The following NFYB variants were observed in gnomAD, a reference collection of about 807,000 sequenced individuals.
NFYB encodes CAAT box DNA-binding protein subunit B.
NFYB carries 13 observed loss-of-function variants against 28.0 expected under a neutral mutation model. That is an observed-to-expected ratio of 0.46 (90% CI 0.30 to 0.74). The LOEUF is 0.74. NFYB is among the 30% of genes least tolerant of loss of function. The pLI is 0.07. For missense variants in NFYB, 142 were observed against 247.6 expected, an observed-to-expected ratio of 0.57 and a Z score of 2.86; for synonymous variants, 74 against 75.0, an observed-to-expected ratio of 0.99 and a Z score of 0.07.
intron 3 of NFYB, 55 bp from the exon 4 acceptor site, chr12:104,126,299 T>C (rs994525037): frequency 1.2e-5 from 16 of 1,311,126 alleles, no homozygotes; most frequent in Admixed American, 3.2e-5. Context: ...TATTTCAAGA[T>C]AGAAAAAACT....
chr12:104,119,867 C>A, intron 7 of NFYB, 98 bp from the exon 8 acceptor site: 1 of 743,212 alleles, frequency 1.3e-6, no homozygotes, highest in Non-Finnish European at 2.3e-6. Context: ...AAGACAATAA[C>A]AAGTCTAATT....
At chr12:104,125,849 C>CAAAA (rs374433754) in intron 4 of NFYB, among the ~76,000 whole-genome samples, 377 of 72,108 alleles carry the variant, frequency 5.2e-3, no homozygotes, top group Non-Finnish European at 7.0e-3. Context: ...ACTCTGTCCC[C>CAAAA]AAAAAAAAAA....
chr12:104,137,422 T>C (rs968246442), intron 1 of NFYB: 2 of 152,292 alleles, frequency 1.3e-5, no homozygotes, highest in African/African-American at 4.8e-5. Context: ...GGCTGCATTC[T>C]TTACGCGCAA....
chr12:104,121,313 T>C lies in NFYB; in HGVS notation c.438A>G (p.Lys146=). 6.2e-7 allele frequency: 1 copy of C among 1,611,208 alleles called. No homozygotes were observed. Among genetic ancestry groups the C allele is most frequent in the Non-Finnish European group, 8.5e-7 (1 of 1,179,230 alleles). ...LYLQKFREAM[K]GEKGIGGAVT... The stretch of plus-strand genomic sequence containing the variant: ...CTGCTCCACCAATTCCCTTTTCTCC[T>C]TTCATAGCCTGAGGAAGGAAAAAAA... Residue 146 remains lysine (K), a synonymous_variant, in exon 6 of 8, where the codon AAA becomes AAG. Transcript: ENST00000240055.
chr12:104,134,852 T>A (rs1225528905), intron 2 of NFYB, among the ~76,000 whole-genome samples: 2 of 152,150 alleles, frequency 1.3e-5, no homozygotes, highest in African/African-American at 4.8e-5. Flanking sequence ...ACACCCGAGG[T>A]TACAGATATA....
At chr12:104,123,540 T>C in intron 4 of NFYB, 117 bp from the exon 5 acceptor site, 1 of 733,958 alleles carries the variant, frequency 1.4e-6, no homozygotes, top group South Asian at 1.8e-5. Flanking sequence ...ATTTAATCTC[T>C]TAAATATATG....
chr12:104,127,577 A>G (rs1325131664), intron 3 of NFYB, among the ~76,000 whole-genome samples: 2 of 141,610 alleles, frequency 1.4e-5, no homozygotes, highest in African/African-American at 5.1e-5. Context: ...CAAAAAAAAT[A>G]AAAAATAAAA....
chr12:104,128,444 T>C lies in NFYB; in HGVS notation c.80A>G (p.Tyr27Cys). Reference sequence around the variant, plus strand: ...CTTACCATCATGAGGCTGTATAACATAATGACTTCCTCCAATATAGTCTGC... The same window carrying C: ...CTTACCATCATGAGGCTGTATAACACAATGACTTCCTCCAATATAGTCTGC... The part of the protein sequence containing the change: ...ISADYIGGSH[Y>C]VIQPHDDTED... The change falls in exon 3 of 8, where the codon TAT becomes TGT. Residue 27 changes from tyrosine to cysteine, a missense_variant. Around this residue, in one of 2 missense-constraint regions of NFYB, gnomAD observed 54 missense variants for 58.1 expected, o/e 0.93. Transcript: ENST00000240055. The C allele has an allele frequency of 6.2e-7, 1 of 1,611,348 alleles. No homozygotes were observed. Among genetic ancestry groups the C allele is most frequent in the South Asian group, 1.1e-5 (1 of 90,864 alleles).
chr12:104,121,518 A>T (rs969812155), intron 5 of NFYB, among the ~76,000 whole-genome samples, 197 bp from the exon 6 acceptor site: 1 of 152,238 alleles, frequency 6.6e-6, no homozygotes, highest in African/African-American at 2.4e-5. Flanking sequence ...AATCATTAAC[A>T]AGACAGAGTT....
chr12:104,135,993 C>T (rs2031085141), intron 1 of NFYB, among the ~76,000 whole-genome samples: 1 of 152,114 alleles, frequency 6.6e-6, no homozygotes, highest in East Asian at 1.9e-4. Flanking sequence ...TTTAGACATT[C>T]TATAGCTCAA....
intron 2 of NFYB, chr12:104,131,392 C>T (rs952276252): frequency 5.2e-6 from 1 of 190,646 alleles, no homozygotes; most frequent in African/African-American, 2.4e-5. Flanking sequence ...TCATTTCACG[C>T]CTTCTGTCTT....
rs925822727 is a variant in NFYB at position 104,123,319 on chromosome 12, T to G, written c.336A>C (p.Thr112=). 2 of 1,614,028 alleles carry G rather than the reference T, an allele frequency of 1.2e-6. No homozygotes were observed. The highest frequency in any genetic ancestry group is 1.7e-6 in the Non-Finnish European group (2 of 1,180,006). Residue 112 remains threonine (T), a synonymous_variant, in exon 5 of 8, where the codon ACA becomes ACC. Coordinates refer to ENST00000240055, the MANE Select transcript of NFYB (RefSeq NM_006166.4). ...CAAAGAGAATATCTTCTCCATTGAT[T>G]GTTTTCCGTTTCTCTTGATGGCACC... ...SERCHQEKRK[T]INGEDILFAM... is the part of the protein sequence containing the mutation.
intron 2 of NFYB, among the ~76,000 whole-genome samples, chr12:104,132,470 C>T: frequency 6.6e-6 from 1 of 151,922 alleles, no homozygotes; most frequent in East Asian, 1.9e-4. Context: ...CACAAATAGG[C>T]ACAGAAGACC....
rs1352718759 is a variant in NFYB at position 104,128,520 on chromosome 12, A to G, written c.7-3T>C. ...GTTGTAGAACTGTCACCATCCATCT[A>G]TGAGGAGAAAAACAGTTTTTCAATA... On this transcript the variant is annotated splice_region_variant and splice_polypyrimidine_tract_variant and intron_variant, in intron 2 of 7. Coordinates refer to ENST00000240055, the MANE Select transcript of NFYB (RefSeq NM_006166.4). 3 of 1,606,000 alleles carry G rather than the reference A, an allele frequency of 1.9e-6. No individual in the cohort carries two copies. Among genetic ancestry groups the G allele is most frequent in the Non-Finnish European group, 1.7e-6 (2 of 1,174,346 alleles).
At chr12:104,123,959 T>A (rs1477551891) in intron 4 of NFYB, among the ~76,000 whole-genome samples, 1 of 151,922 alleles carries the variant, frequency 6.6e-6, no homozygotes, top group Non-Finnish European at 1.5e-5. Context: ...CGAGACTCCG[T>A]CTCAAAAAAA....
chr12:104,125,856 A>C (rs946236128), intron 4 of NFYB, among the ~76,000 whole-genome samples: 19 of 150,736 alleles, frequency 1.3e-4, no homozygotes, highest in African/African-American at 3.4e-4. Flanking sequence ...CCCCAAAAAA[A>C]AAAAAAAAAA....
intron 5 of NFYB, among the ~76,000 whole-genome samples, chr12:104,122,789 G>A (rs2030529856): frequency 6.6e-6 from 1 of 152,090 alleles, no homozygotes; most frequent in Non-Finnish European, 1.5e-5. Context: ...AAATACTTCT[G>A]AGAAATGTTA....
At chr12:104,134,192 T>C (rs1030842814) in intron 2 of NFYB, among the ~76,000 whole-genome samples, 4 of 152,232 alleles carry the variant, frequency 2.6e-5, no homozygotes, top group Non-Finnish European at 5.9e-5. Flanking sequence ...ATTTTCTTAA[T>C]GAACTCACTA....
At chr12:104,130,927 G>A (rs2030899695) in intron 2 of NFYB, among the ~76,000 whole-genome samples, 1 of 152,108 alleles carries the variant, frequency 6.6e-6, no homozygotes, top group South Asian at 2.1e-4. Flanking sequence ...GGGTGGGGAG[G>A]GCAGGCGGTG....
Sources: gnomAD v4.1 joint callset for allele counts (sites outside exome capture counted in the v4.1 genomes callset) on GRCh38, gnomAD v4.1.1 for gene constraint, gnomAD v4.1.1 regional missense constraint, MANE v1.5 for transcripts, NCBI Gene and HGNC (gene_info 2026-07-23, HGNC 2026-07-21) for gene names.